TNIK: variants seen among roughly 807,000 people sequenced by gnomAD.
The protein encoded by TNIK is TRAF2 and NCK-interacting protein kinase.
A neutral mutation model predicts 191.3 loss-of-function variants in TNIK; 49 were observed. The ratio of observed to expected loss-of-function variants is 0.26; its 90% CI spans 0.20 to 0.32. The LOEUF is 0.32. Among genes scored for constraint, TNIK ranks in the 10% least tolerant of loss-of-function variants. TNIK has a pLI of 1.00. For synonymous variants in TNIK, 594 were observed against 600.9 expected (o/e 0.99, Z 0.17); for missense variants, 1,155 against 1,702.3 (o/e 0.68, Z 5.66).
chr3:171,216,008 C>T (rs1339123513), intron 3 of TNIK, among the ~76,000 whole-genome samples: 1 of 152,134 alleles, frequency 6.6e-6, no homozygotes, highest in African/African-American at 2.4e-5. Context: ...TGGCTAGAAC[C>T]ATCTCTGCTC....
At chr3:171,445,419 C>CAAAA (rs75214809) in intron 1 of TNIK, among the ~76,000 whole-genome samples, 1 of 87,102 alleles carries the variant, frequency 1.1e-5, no homozygotes. Flanking sequence ...ACCCTGTCTC[C>CAAAA]AAAAAAAAAA....
chr3:171,362,237 A>G (rs963640602), intron 2 of TNIK, among the ~76,000 whole-genome samples: 2 of 152,196 alleles, frequency 1.3e-5, no homozygotes, highest in South Asian at 2.1e-4. Context: ...TTTAAGCACT[A>G]AAGACCAAAT....
chr3:171,236,995 G>A (rs942165796), intron 2 of TNIK, among the ~76,000 whole-genome samples: 1 of 152,160 alleles, frequency 6.6e-6, no homozygotes, highest in African/African-American at 2.4e-5. Context: ...TTTGCCTAAT[G>A]TATGGCTTCA....
At chr3:171,357,766 T>C (rs1714336942) in intron 2 of TNIK, among the ~76,000 whole-genome samples, 1 of 152,212 alleles carries the variant, frequency 6.6e-6, no homozygotes, top group South Asian at 2.1e-4. Flanking sequence ...TATAGTATGG[T>C]TGCTAGCCAA....
intron 13 of TNIK, 118 bp from the exon 14 acceptor site, chr3:171,139,674 A>G (rs571539654): frequency 1.2e-6 from 1 of 826,648 alleles, no homozygotes; most frequent in Middle Eastern, 2.4e-4. Flanking sequence ...GGGGAAAAAT[A>G]CCCAAATACC....
At chr3:171,116,528 CCCAAATACTTGGG>C (rs1295160533) in intron 18 of TNIK, among the ~76,000 whole-genome samples, 42 of 152,282 alleles carry the variant, frequency 2.8e-4, no homozygotes, top group African/African-American at 9.9e-4. Flanking sequence ...AATTTTGTGG[CCCAAATACTTGGG>C]CCAAGTCTTT....
intron 2 of TNIK, among the ~76,000 whole-genome samples, chr3:171,270,521 C>T (rs1373572407): frequency 6.6e-6 from 1 of 152,212 alleles, no homozygotes; most frequent in Non-Finnish European, 1.5e-5. Context: ...ACCTAAATAT[C>T]ACACCAGCAA....
chr3:171,423,196 A>G (rs1202328754), intron 1 of TNIK, among the ~76,000 whole-genome samples: 2 of 152,124 alleles, frequency 1.3e-5, no homozygotes, highest in African/African-American at 4.8e-5. Context: ...TAACGGACAA[A>G]CAGAGAGCCA....
intron 2 of TNIK, among the ~76,000 whole-genome samples, chr3:171,260,807 A>T (rs1747509935): frequency 6.6e-6 from 1 of 152,224 alleles, no homozygotes; most frequent in Admixed American, 6.5e-5. Context: ...TTTAATGGCT[A>T]AAATGCTTTA....
chr3:171,229,535 C>T (rs1743356941), intron 2 of TNIK, among the ~76,000 whole-genome samples: 1 of 152,108 alleles, frequency 6.6e-6, no homozygotes, highest in South Asian at 2.1e-4. Flanking sequence ...TGGTAGAAAA[C>T]ATTAGTGGGT....
At chr3:171,439,892 C>T (rs1726552785) in intron 1 of TNIK, among the ~76,000 whole-genome samples, 1 of 152,226 alleles carries the variant, frequency 6.6e-6, no homozygotes, top group Non-Finnish European at 1.5e-5. Context: ...AGAAGCTCAG[C>T]ATGTGCTCAG....
intron 1 of TNIK, among the ~76,000 whole-genome samples, chr3:171,377,295 C>T (rs1717395802): frequency 6.6e-6 from 1 of 152,192 alleles, no homozygotes; most frequent in Non-Finnish European, 1.5e-5. Context: ...ACTGGAGCCT[C>T]CTCACCTCCT....
chr3:171,210,694 C>T (rs989208515), intron 4 of TNIK, among the ~76,000 whole-genome samples: 7 of 152,140 alleles, frequency 4.6e-5, no homozygotes, highest in Admixed American at 4.6e-4. Context: ...GACTTTGGAA[C>T]AGTTTATTCA....
intron 2 of TNIK, among the ~76,000 whole-genome samples, chr3:171,298,373 T>C (rs1380422706): frequency 6.6e-6 from 1 of 152,234 alleles, no homozygotes; most frequent in African/African-American, 2.4e-5. Context: ...TTAGCCAGAC[T>C]GATAGTTTGA....
intron 2 of TNIK, among the ~76,000 whole-genome samples, chr3:171,324,404 A>T (rs1445735987): frequency 6.6e-6 from 1 of 152,146 alleles, no homozygotes; most frequent in African/African-American, 2.4e-5. Context: ...GAGAAGCAGC[A>T]ACTGGAATCT....
At chr3:171,106,744 TTAATC>T (rs1724956145) in intron 21 of TNIK, 1 of 535,246 alleles carries the variant, frequency 1.9e-6, no homozygotes, top group Non-Finnish European at 3.8e-6. Flanking sequence ...TCCCACAAAA[TTAATC>T]TAACAATACC....
At chr3:171,098,319 G>A (rs1347871842) in intron 22 of TNIK, among the ~76,000 whole-genome samples, 1 of 151,910 alleles carries the variant, frequency 6.6e-6, no homozygotes, top group African/African-American at 2.4e-5. Flanking sequence ...TGATTATAAA[G>A]TAGTACATGC....
chr3:171,071,468 G>A, intron 28 of TNIK, 145 bp from the exon 29 acceptor site: 3 of 676,434 alleles, frequency 4.4e-6, no homozygotes, highest in East Asian at 2.9e-5. Flanking sequence ...TCCTGGTGTG[G>A]GATTTTTTCA....
Position 171,181,072 on chromosome 3 carries a change from G to T in TNIK, c.640-3692C>A, listed in dbSNP as rs562379154. 6.6e-5 allele frequency among the ~76,000 whole-genome samples: 10 copies of T among 152,284 alleles called. No individual in the cohort carries two copies. The South Asian group carries it at 2.1e-3, about 32-fold the overall frequency. On this transcript the variant is annotated intron_variant, in intron 7 of 32. Transcript: ENST00000436636. ...GCTCAGGCTGGTCTTGAACTCCTGG[G>T]CTCAAGCAATCCTCCCACCTCGGGT...
Sources: allele counts gnomAD v4.1 joint callset (sites outside exome capture counted in the v4.1 genomes callset), GRCh38; gene constraint gnomAD v4.1.1; transcripts MANE v1.5; gene names NCBI Gene and HGNC (gene_info 2026-07-23, HGNC 2026-07-21).